IMPG1: variants seen among roughly 807,000 people sequenced by gnomAD.
The protein encoded by IMPG1 is interphotoreceptor matrix proteoglycan 1, also known as interphotoreceptor matrix proteoglycan of 150 kDa.
In IMPG1, 85 loss-of-function variants were observed where a neutral mutation model predicts 92.0. The ratio of observed to expected loss-of-function variants is 0.92; its 90% CI spans 0.78 to 1.11. The LOEUF (loss-of-function observed/expected upper bound fraction) is 1.11, where lower values mean the gene tolerates loss of function less well. Among genes scored for constraint, IMPG1 ranks in the 50% least tolerant of loss-of-function variants. IMPG1 has a pLI of 0.00. For synonymous variants in IMPG1, 367 were observed against 334.1 expected (o/e 1.10, Z -1.08); for missense variants, 1,022 against 956.0 (o/e 1.07, Z -0.91).
intron 6 of IMPG1, among the ~76,000 whole-genome samples, chr6:76,019,065 G>A (rs1448624089): frequency 6.6e-6 from 1 of 152,162 alleles, no homozygotes; most frequent in Non-Finnish European, 1.5e-5. Flanking sequence ...ATTGAAACTA[G>A]TTAGAAAATA....
At chr6:76,025,114 A>G in intron 5 of IMPG1, 80 bp downstream of exon 5, 2 of 815,852 alleles carry the variant, frequency 2.5e-6, no homozygotes, top group Middle Eastern at 2.3e-4. Context: ...ATCTTTAATT[A>G]GGAATTGTTT....
chr6:76,037,319 T>C (rs1783758543), intron 2 of IMPG1, among the ~76,000 whole-genome samples: 1 of 152,184 alleles, frequency 6.6e-6, no homozygotes, highest in Non-Finnish European at 1.5e-5. Context: ...TCAAGGTAAT[T>C]GATCTTTTAA....
intron 12 of IMPG1, among the ~76,000 whole-genome samples, chr6:75,986,094 T>C (rs1782713552): frequency 6.6e-6 from 1 of 152,202 alleles, no homozygotes; most frequent in African/African-American, 2.4e-5. Flanking sequence ...TTCATCATGG[T>C]AAATGATGAA....
At chr6:75,984,008 CACA>C (rs1483836405) in intron 12 of IMPG1, among the ~76,000 whole-genome samples, 1 of 152,012 alleles carries the variant, frequency 6.6e-6, no homozygotes, top group East Asian at 1.9e-4. Flanking sequence ...AAATTAAAAC[CACA>C]ACGAGATATT....
At chr6:75,926,632 A>G (rs752284337) in intron 15 of IMPG1, among the ~76,000 whole-genome samples, 3 of 152,182 alleles carry the variant, frequency 2.0e-5, no homozygotes, top group Non-Finnish European at 4.4e-5. Flanking sequence ...AAGGCCTGAG[A>G]AGGAAAAGTC....
intron 1 of IMPG1, among the ~76,000 whole-genome samples, chr6:76,048,743 T>A (rs1189537796): frequency 6.6e-6 from 1 of 152,260 alleles, no homozygotes; most frequent in African/African-American, 2.4e-5. Context: ...CTGTTTACAC[T>A]GACGCAAAAC....
intron 12 of IMPG1, among the ~76,000 whole-genome samples, chr6:75,956,671 T>C (rs1782127996): frequency 6.6e-6 from 1 of 152,210 alleles, no homozygotes; most frequent in African/African-American, 2.4e-5. Flanking sequence ...TCTAATTGTT[T>C]TAATTGTGAT....
chr6:75,960,884 G>T (rs1414044951), intron 12 of IMPG1, among the ~76,000 whole-genome samples: 1 of 152,198 alleles, frequency 6.6e-6, no homozygotes, highest in Non-Finnish European at 1.5e-5. Context: ...TGAGGGTATG[G>T]AGTGTGTTTA....
At chr6:75,922,287 T>C (rs1781442944) in intron 16 of IMPG1, 121 bp from the exon 17 acceptor site, 1 of 576,750 alleles carries the variant, frequency 1.7e-6, no homozygotes, top group East Asian at 3.0e-5. Flanking sequence ...GACATCTTCT[T>C]TGAAATGTTG....
intron 4 of IMPG1, among the ~76,000 whole-genome samples, chr6:76,033,703 T>C (rs1242827619): frequency 6.6e-6 from 1 of 152,244 alleles, no homozygotes; most frequent in African/African-American, 2.4e-5. Flanking sequence ...TAGTATTATC[T>C]TCAGATTTAG....
chr6:75,972,684 C>A (rs548315236), intron 12 of IMPG1, among the ~76,000 whole-genome samples: 1 of 152,146 alleles, frequency 6.6e-6, no homozygotes, highest in East Asian at 1.9e-4. Flanking sequence ...TTGTTTTTTA[C>A]ACTTCTGTTT....
chr6:75,983,575 T>A (rs1782664838), intron 12 of IMPG1, among the ~76,000 whole-genome samples: 1 of 152,048 alleles, frequency 6.6e-6, no homozygotes, highest in Non-Finnish European at 1.5e-5. Flanking sequence ...AAAAATCAAC[T>A]CAAAATGGAT....
intron 12 of IMPG1, among the ~76,000 whole-genome samples, chr6:75,967,270 ATGTT>A (rs1782323242): frequency 6.6e-6 from 1 of 152,160 alleles, no homozygotes; most frequent in South Asian, 2.1e-4. Context: ...TATGGTCTGA[ATGTT>A]TGTATCTTCC....
intron 12 of IMPG1, among the ~76,000 whole-genome samples, chr6:75,999,899 C>T (rs1782960263): frequency 6.6e-6 from 1 of 152,242 alleles, no homozygotes; most frequent in Non-Finnish European, 1.5e-5. Context: ...ACTGTCAGCA[C>T]CTAGCCCCTC....
In IMPG1 at chr6:75,950,712, A is replaced by G; in HGVS notation, c.1674T>C (p.Tyr558=). ...CAATGGTCATAGAACTAGTGGTGATATACTGTAAAGCTGAGACAGGAGTGG... is the reference window on the plus strand; with the variant it reads ...CAATGGTCATAGAACTAGTGGTGATGTACTGTAAAGCTGAGACAGGAGTGG... The part of the protein sequence containing the change: ...EDTTPVSALQ[Y]ITTSSMTIAP... Residue 558 remains tyrosine (Y), a synonymous_variant, in exon 13 of 17, where the codon TAT becomes TAC. Transcript: ENST00000369950. The G allele has an allele frequency of 1.9e-6, 3 of 1,614,042 alleles. No individual in the cohort carries two copies. In the South Asian group the frequency reaches 3.3e-5, roughly 18 times the overall value.
Position 76,003,967 on chromosome 6 carries a change from A to G in IMPG1, c.1136-17T>C. ...CAGCAATTTCTATGGGTAAAAAATC[A>G]CAAGATTTGAATGTATCTTTCCTTT... On this transcript the variant is annotated splice_polypyrimidine_tract_variant and intron_variant, in intron 10 of 16. Transcript: ENST00000369950. 6.3e-7 allele frequency: 1 copy of G among 1,595,622 alleles called. No individual in the cohort carries two copies. The highest frequency in any genetic ancestry group is 8.6e-7 in the Non-Finnish European group (1 of 1,165,678).
At chr6:76,011,623 T>C (rs1294741628) in intron 7 of IMPG1, among the ~76,000 whole-genome samples, 2 of 151,992 alleles carry the variant, frequency 1.3e-5, no homozygotes, top group Non-Finnish European at 2.9e-5. Context: ...TTAGGGTACA[T>C]GTGCACATTG....
intron 12 of IMPG1, among the ~76,000 whole-genome samples, chr6:75,952,695 T>C (rs1297456196): frequency 3.3e-5 from 5 of 152,144 alleles, no homozygotes; most frequent in Non-Finnish European, 5.9e-5. Flanking sequence ...TGATGATATT[T>C]GGACATGGGT....
rs28849088 is a variant in IMPG1 at position 75,924,571 on chromosome 6, A to G, written c.2244-865T>C. On this transcript the variant is annotated intron_variant, in intron 15 of 16. Coordinates refer to ENST00000369950, the MANE Select transcript of IMPG1 (RefSeq NM_001563.4). ...TATAATTAATATAATTATATATTAT[A>G]TATAATTAATATAATTATATATTAT... Among the ~76,000 whole-genome samples, 261 of 28,942 alleles carry G rather than the reference A, an allele frequency of 9.0e-3. 41 individuals carry two copies. Among genetic ancestry groups the G allele is most frequent in the African/African-American group, 0.025 (254 of 10,158 alleles). The allele number at this position is 28,942 out of a possible 152,430, so 19.0% of individuals were successfully genotyped here.
Sources: gnomAD v4.1 joint callset for allele counts (sites outside exome capture counted in the v4.1 genomes callset) on GRCh38, gnomAD v4.1.1 for gene constraint, MANE v1.5 for transcripts, NCBI Gene and HGNC (gene_info 2026-07-23, HGNC 2026-07-21) for gene names.